SLC25A12: variants seen among roughly 807,000 people sequenced by gnomAD.
SLC25A12 encodes solute carrier family 25 member 12, also known as electrogenic aspartate/glutamate antiporter SLC25A12, mitochondrial.
SLC25A12 carries 32 observed loss-of-function variants against 83.3 expected under a neutral mutation model. That is an observed-to-expected ratio of 0.38 (90% CI 0.29 to 0.52). The LOEUF (loss-of-function observed/expected upper bound fraction) is 0.52, where lower values mean the gene tolerates loss of function less well. Ranked by LOEUF, SLC25A12 falls within the 20% of genes least tolerant of loss-of-function variation. The probability of loss-of-function intolerance (pLI) is 0.84; values close to 1 mark genes in which losing one functional copy is unlikely to be tolerated. For synonymous variants in SLC25A12, 267 were observed against 291.1 expected, an observed-to-expected ratio of 0.92 and a Z score of 0.84; for missense variants, 611 against 835.6, an observed-to-expected ratio of 0.73 and a Z score of 3.31.
intron 2 of SLC25A12, among the ~76,000 whole-genome samples, chr2:171,892,232 C>T (rs1574013043): frequency 6.8e-6 from 1 of 146,382 alleles, no homozygotes; most frequent in East Asian, 2.0e-4. Flanking sequence ...TTTACATCTA[C>T]TTTTTTTTTT....
At chr2:171,876,531 G>T (rs1189185980) in intron 2 of SLC25A12, among the ~76,000 whole-genome samples, 4 of 71,480 alleles carry the variant, frequency 5.6e-5, no homozygotes, top group Admixed American at 1.6e-4. Flanking sequence ...AGGGGTTTGG[G>T]TTTTTTTTTT....
chr2:171,802,299 C>T (rs1574681991), intron 13 of SLC25A12, among the ~76,000 whole-genome samples: 1 of 152,296 alleles, frequency 6.6e-6, no homozygotes, highest in African/African-American at 2.4e-5. Flanking sequence ...AGCCACCACA[C>T]CTAGCCAAGG....
chr2:171,787,096 T>C (rs754660479), intron 17 of SLC25A12, among the ~76,000 whole-genome samples: 2 of 152,298 alleles, frequency 1.3e-5, no homozygotes, highest in Admixed American at 6.5e-5. Context: ...TCCCAGCACT[T>C]TGGGAGGCCA....
chr2:171,818,035 A>G (rs1684091019), intron 9 of SLC25A12, among the ~76,000 whole-genome samples: 2 of 152,228 alleles, frequency 1.3e-5, no homozygotes, highest in South Asian at 4.1e-4. Flanking sequence ...GAAAACATAC[A>G]ATATATGGTT....
chr2:171,883,916 A>C (rs1685752544), intron 2 of SLC25A12, among the ~76,000 whole-genome samples: 1 of 152,094 alleles, frequency 6.6e-6, no homozygotes, highest in Non-Finnish European at 1.5e-5. Context: ...GCTGGAGTGC[A>C]GTAGCATGAC....
intron 9 of SLC25A12, among the ~76,000 whole-genome samples, chr2:171,817,667 C>CA (rs1274084121): frequency 7.0e-6 from 1 of 143,478 alleles, no homozygotes; most frequent in East Asian, 2.1e-4. Flanking sequence ...TTCTCAATCA[C>CA]AAAACTGGAT....
At chr2:171,831,733 T>C (rs1684435529) in intron 8 of SLC25A12, among the ~76,000 whole-genome samples, 1 of 151,984 alleles carries the variant, frequency 6.6e-6, no homozygotes, top group Admixed American at 6.5e-5. Context: ...TGGCTGTCGC[T>C]ACTAAAAATA....
intron 3 of SLC25A12, among the ~76,000 whole-genome samples, chr2:171,858,471 C>T (rs1486260090): frequency 6.6e-6 from 1 of 152,230 alleles, no homozygotes; most frequent in Non-Finnish European, 1.5e-5. Flanking sequence ...GAATACGTAG[C>T]TTTAAAACAA....
intron 2 of SLC25A12, among the ~76,000 whole-genome samples, chr2:171,890,546 A>T (rs1685910044): frequency 6.6e-6 from 1 of 151,826 alleles, no homozygotes; most frequent in Non-Finnish European, 1.5e-5. Flanking sequence ...CAGTGGTATG[A>T]TCTTGGCTTA....
intron 13 of SLC25A12, among the ~76,000 whole-genome samples, chr2:171,800,121 A>G (rs774751049): frequency 3.3e-5 from 5 of 152,312 alleles, no homozygotes; most frequent in African/African-American, 7.2e-5. Context: ...GATCTATCCA[A>G]AAAACTACAT....
At chr2:171,793,059 C>A (rs1473288632) in intron 14 of SLC25A12, among the ~76,000 whole-genome samples, 2 of 151,700 alleles carry the variant, frequency 1.3e-5, no homozygotes, top group East Asian at 3.9e-4. Context: ...AGTAAGTATA[C>A]CCGCAGGGAA....
intron 14 of SLC25A12, 73 bp downstream of exon 14, chr2:171,793,554 C>T: frequency 1.3e-6 from 2 of 1,487,922 alleles, no homozygotes; most frequent in African/African-American, 1.4e-5. Context: ...TGCTTTTCAA[C>T]TTGGAGGGAA....
intron 2 of SLC25A12, among the ~76,000 whole-genome samples, chr2:171,874,675 T>C (rs1202856520): frequency 6.6e-6 from 1 of 152,180 alleles, no homozygotes; most frequent in Non-Finnish European, 1.5e-5. Context: ...GTATGGCATC[T>C]ACTTCATAGA....
intron 8 of SLC25A12, among the ~76,000 whole-genome samples, chr2:171,829,692 A>C (rs1056901157): frequency 7.9e-5 from 12 of 152,204 alleles, no homozygotes; most frequent in African/African-American, 2.9e-4. Context: ...GAACCCCAGA[A>C]AATTTGCAGA....
intron 13 of SLC25A12, among the ~76,000 whole-genome samples, chr2:171,801,541 A>C (rs1353900296): frequency 6.6e-6 from 1 of 152,232 alleles, no homozygotes; most frequent in Non-Finnish European, 1.5e-5. Flanking sequence ...ACACATATAT[A>C]CAGGTGGTCC....
At chr2:171,890,269 C>T (rs1252341292) in intron 2 of SLC25A12, among the ~76,000 whole-genome samples, 4 of 152,190 alleles carry the variant, frequency 2.6e-5, no homozygotes, top group Non-Finnish European at 5.9e-5. Flanking sequence ...TAAAGAAATA[C>T]ACGGTTAGCA....
At chr2:171,878,332 G>A (rs192305494) in intron 2 of SLC25A12, among the ~76,000 whole-genome samples, 20 of 152,294 alleles carry the variant, frequency 1.3e-4, no homozygotes, top group African/African-American at 4.1e-4. Context: ...GTCCTATTGT[G>A]AGGCAAAAAT....
intron 15 of SLC25A12, among the ~76,000 whole-genome samples, chr2:171,790,032 G>A (rs1683407533): frequency 6.6e-6 from 1 of 152,152 alleles, no homozygotes; most frequent in African/African-American, 2.4e-5. Flanking sequence ...GAGGAGAAAG[G>A]ACTTGCTGGG....
chr2:171,810,329 A>G (rs1267684243), intron 11 of SLC25A12, 53 bp from the exon 12 acceptor site: 2 of 1,387,280 alleles, frequency 1.4e-6, no homozygotes, highest in Non-Finnish European at 1.0e-6. Flanking sequence ...ACATGAATAC[A>G]CAAGCCCAGC....
Sources: allele counts gnomAD v4.1 joint callset (sites outside exome capture counted in the v4.1 genomes callset), GRCh38; gene constraint gnomAD v4.1.1; transcripts MANE v1.5; gene names NCBI Gene and HGNC (gene_info 2026-07-23, HGNC 2026-07-21).